Variants in TRIM2 observed in about 807,000 individuals in gnomAD.
TRIM2 encodes the protein tripartite motif-containing protein 2.
TRIM2 carries 20 observed loss-of-function variants against 75.2 expected under a neutral mutation model. That is an observed-to-expected ratio of 0.27 (90% CI 0.19 to 0.39). The LOEUF (loss-of-function observed/expected upper bound fraction) is 0.39, where lower values mean the gene tolerates loss of function less well. Ranked by LOEUF, TRIM2 falls within the 10% of genes least tolerant of loss-of-function variation. The pLI is 1.00. For missense variants in TRIM2, 660 were observed against 990.8 expected (o/e 0.67, Z 4.48); for synonymous variants, 373 against 388.3 (o/e 0.96, Z 0.46).
chr4:153,209,242 A>T (rs1459152198), intron 1 of TRIM2, among the ~76,000 whole-genome samples: 1 of 152,166 alleles, frequency 6.6e-6, no homozygotes. Flanking sequence ...GAGAATTTTT[A>T]AATCTACTTA....
Position 153,339,196 on chromosome 4 carries a change from C to G in TRIM2, c.*4230C>G, listed in dbSNP as rs1772820267. ...CATACGTACCACAGTATTTTGGATG[C>G]TTTAGTCTACAATGAAACTTTCAAT... On this transcript the variant is annotated 3_prime_UTR_variant, in exon 12 of 12. Coordinates refer to ENST00000338700, the MANE Select transcript of TRIM2 (RefSeq NM_015271.5). The G allele has an allele frequency of 1.0e-6, 1 of 985,626 alleles. No homozygotes were observed. The highest frequency in any genetic ancestry group is 1.7e-5 in the African/African-American group (1 of 57,218). 61.1% of individuals were successfully genotyped at this position (985,626 alleles called of 1,614,324 possible).
chr4:153,225,478 A>C (rs1256206044), intron 1 of TRIM2, among the ~76,000 whole-genome samples: 1 of 152,244 alleles, frequency 6.6e-6, no homozygotes, highest in Non-Finnish European at 1.5e-5. Context: ...TATCATACTT[A>C]GTCCCAACAT....
intron 6 of TRIM2, among the ~76,000 whole-genome samples, chr4:153,301,854 C>T (rs1232016589): frequency 6.6e-6 from 1 of 152,116 alleles, no homozygotes; most frequent in Non-Finnish European, 1.5e-5. Context: ...TGTTTTTAAG[C>T]CAGTACCATG....
chr4:153,325,520 C>G (rs1769977993), intron 10 of TRIM2, among the ~76,000 whole-genome samples: 1 of 152,178 alleles, frequency 6.6e-6, no homozygotes. Context: ...GCAGCAGTAA[C>G]CGGGCTGGGG....
In TRIM2 at chr4:153,294,499, C is replaced by T; in HGVS notation, c.786+14C>T. On this transcript the variant is annotated intron_variant, in intron 5 of 11. Transcript: ENST00000338700. ...CTCAAACACAAAGTAAGACCAGAAT[C>T]ATTACAGATGTCCTGGAAGAGACAT... 1 of 1,610,860 alleles carries T rather than the reference C, an allele frequency of 6.2e-7. No individual in the cohort carries two copies. Among genetic ancestry groups the T allele is most frequent in the East Asian group, 2.2e-5 (1 of 44,808 alleles).
intron 1 of TRIM2, among the ~76,000 whole-genome samples, chr4:153,260,726 A>ACACACG (rs768881075): frequency 9.8e-6 from 1 of 101,578 alleles, no homozygotes; most frequent in Non-Finnish European, 1.9e-5. Flanking sequence ...ACACACACAC[A>ACACACG]TCATCATCAT....
intron 6 of TRIM2, among the ~76,000 whole-genome samples, chr4:153,303,521 T>C (rs1764376222): frequency 6.6e-6 from 1 of 152,018 alleles, no homozygotes; most frequent in Admixed American, 6.6e-5. Flanking sequence ...AATTATGCCT[T>C]TGTGCTGCTA....
At position 153,337,454 on chromosome 4, in the gene TRIM2, C is replaced by T; in HGVS notation, c.*2488C>T. The T allele has an allele frequency of 1.0e-6, 1 of 985,850 alleles. No individual in the cohort carries two copies. 61.1% of individuals were successfully genotyped at this position (985,850 alleles called of 1,614,324 possible). The stretch of plus-strand genomic sequence containing the variant: ...GAAAGAATAGTTTGATTCAGACCTG[C>T]TCCACTATGTGTTGCTAAAACACAT... On this transcript the variant is annotated 3_prime_UTR_variant, in exon 12 of 12. Coordinates refer to ENST00000338700, the MANE Select transcript of TRIM2 (RefSeq NM_015271.5).
chr4:153,242,896 A>C (rs1747016901), intron 1 of TRIM2, among the ~76,000 whole-genome samples: 3 of 152,220 alleles, frequency 2.0e-5, no homozygotes, highest in Non-Finnish European at 4.4e-5. Context: ...AATGGTGATC[A>C]AACTGGATAT....
At chr4:153,230,130 C>T (rs560763856) in intron 1 of TRIM2, among the ~76,000 whole-genome samples, 1 of 152,354 alleles carries the variant, frequency 6.6e-6, no homozygotes, top group African/African-American at 2.4e-5. Flanking sequence ...CTGAATTTTA[C>T]ACATGATGAC....
At chr4:153,268,525 CA>C (rs1755861803) in intron 1 of TRIM2, among the ~76,000 whole-genome samples, 1 of 152,158 alleles carries the variant, frequency 6.6e-6, no homozygotes, top group Non-Finnish European at 1.5e-5. Flanking sequence ...ACAGTTTTTG[CA>C]AAAGCAGTTT....
chr4:153,281,685 G>A (rs1041552823), intron 3 of TRIM2, among the ~76,000 whole-genome samples: 5 of 152,232 alleles, frequency 3.3e-5, no homozygotes, highest in African/African-American at 9.6e-5. Flanking sequence ...GTGGATGAAA[G>A]CCTGTCATCA....
upstream of TRIM2, among the ~76,000 whole-genome samples, chr4:153,200,235 A>G (rs546941492): frequency 6.6e-6 from 1 of 152,176 alleles, no homozygotes; most frequent in Non-Finnish European, 1.5e-5. Flanking sequence ...TCAGCCGGCC[A>G]GCTAATTTTT....
chr4:153,293,248 G>A lies in TRIM2; in HGVS notation c.605+115G>A, dbSNP rs1009452002. On this transcript the variant is annotated intron_variant, in intron 4 of 11. Coordinates refer to ENST00000338700, the MANE Select transcript of TRIM2 (RefSeq NM_015271.5). ...TATTTCCCTTGAGATATCAGGCTTT[G>A]TGGGTAAATAAGTTCTTTTATCATG... 4 of 1,095,828 alleles carry A rather than the reference G, an allele frequency of 3.7e-6. No homozygotes were observed. In the Admixed American group the frequency reaches 8.1e-5, roughly 22 times the overall value. The allele number at this position is 1,095,828 out of a possible 1,614,324, so 67.9% of individuals were successfully genotyped here.
intron 1 of TRIM2, among the ~76,000 whole-genome samples, chr4:153,239,351 C>CAAA: frequency 9.3e-6 from 1 of 107,446 alleles, no homozygotes; most frequent in Admixed American, 9.8e-5. Context: ...GACTCCGTCT[C>CAAA]AAAAAAAAAA....
At chr4:153,292,026 C>A (rs1761925549) in intron 3 of TRIM2, among the ~76,000 whole-genome samples, 1 of 152,206 alleles carries the variant, frequency 6.6e-6, no homozygotes, top group African/African-American at 2.4e-5. Context: ...AGTCTCTTAG[C>A]CAAACAGTAG....
chr4:153,234,306 A>G (rs565677329), intron 1 of TRIM2, among the ~76,000 whole-genome samples: 1 of 152,246 alleles, frequency 6.6e-6, no homozygotes, highest in South Asian at 2.1e-4. Flanking sequence ...ACTGTGATTC[A>G]GGGGTGGGAG....
chr4:153,282,638 G>A (rs1388776120), intron 3 of TRIM2, among the ~76,000 whole-genome samples: 1 of 152,000 alleles, frequency 6.6e-6, no homozygotes, highest in Non-Finnish European at 1.5e-5. Context: ...TTTGAGACAG[G>A]ATCTCACTCT....
At chr4:153,239,079 G>A (rs549991464) in intron 1 of TRIM2, among the ~76,000 whole-genome samples, 7 of 152,278 alleles carry the variant, frequency 4.6e-5, no homozygotes, top group Admixed American at 6.5e-5. Flanking sequence ...GCGGCCGGGC[G>A]TGGTGGCTCA....
Sources: allele counts gnomAD v4.1 joint callset (sites outside exome capture counted in the v4.1 genomes callset), GRCh38; gene constraint gnomAD v4.1.1; transcripts MANE v1.5; gene names NCBI Gene and HGNC (gene_info 2026-07-23, HGNC 2026-07-21).